The following NXPE2 variants were observed in gnomAD, a reference collection of about 807,000 sequenced individuals.
NXPE2 encodes the protein neurexophilin and PC-esterase domain family member 2, also known as NXPE family member 2.
A neutral mutation model predicts 34.4 loss-of-function variants in NXPE2; 34 were observed. The ratio of observed to expected loss-of-function variants is 0.99; its 90% CI spans 0.75 to 1.31. NXPE2 has a LOEUF of 1.31. NXPE2 is among the 40% of genes most tolerant of loss of function. NXPE2 has a pLI of 0.00. For synonymous variants in NXPE2, 235 were observed against 231.3 expected (o/e 1.02, Z -0.15); for missense variants, 649 against 672.5 (o/e 0.97, Z 0.39).
At chr11:114,585,174 C>T in the NXPE2 span, among the ~76,000 whole-genome samples, 2 of 151,770 alleles carry the variant, frequency 1.3e-5, no homozygotes, top group Non-Finnish European at 2.9e-5. Context: ...CACTGCCTGC[C>T]ATCTGTCTTC....
At chr11:114,576,729 A>T in the NXPE2 span, among the ~76,000 whole-genome samples, 1 of 152,038 alleles carries the variant, frequency 6.6e-6, no homozygotes, top group East Asian at 1.9e-4. Context: ...ACACTTTTAC[A>T]CTGTTGGTGG....
At chr11:114,723,075 A>G in the NXPE2 span, among the ~76,000 whole-genome samples, 1 of 152,328 alleles carries the variant, frequency 6.6e-6, no homozygotes, top group South Asian at 2.1e-4. Flanking sequence ...TATGTGGTAA[A>G]ATTTTAATTT....
At chr11:114,615,581 G>GTA in the NXPE2 span, among the ~76,000 whole-genome samples, 1 of 147,986 alleles carries the variant, frequency 6.8e-6, no homozygotes, top group African/African-American at 2.6e-5. Flanking sequence ...ACCTTTACCT[G>GTA]GTGAATAATA....
At chr11:114,776,354 C>G in the NXPE2 span, among the ~76,000 whole-genome samples, 1 of 152,354 alleles carries the variant, frequency 6.6e-6, no homozygotes, top group South Asian at 2.1e-4. Flanking sequence ...ACCGAGCTCT[C>G]CAGAGTGGGA....
intron 2 of NXPE2, among the ~76,000 whole-genome samples, chr11:114,692,439 G>A (rs1951170957): frequency 6.6e-6 from 1 of 152,096 alleles, no homozygotes; most frequent in Admixed American, 6.5e-5. Flanking sequence ...GTCTCTCAAA[G>A]TGGCTCCCAC....
chr11:114,734,125 A>C, the NXPE2 span, among the ~76,000 whole-genome samples: 5 of 152,210 alleles, frequency 3.3e-5, no homozygotes, highest in Non-Finnish European at 5.9e-5. Flanking sequence ...TATCTTTTAA[A>C]AAATCCTCTG....
the NXPE2 span, among the ~76,000 whole-genome samples, chr11:114,470,186 T>C: frequency 6.6e-6 from 1 of 152,162 alleles, no homozygotes; most frequent in African/African-American, 2.4e-5. Flanking sequence ...GGACATATGT[T>C]TTTTTTTCTC....
At chr11:114,805,794 G>C in the NXPE2 span, among the ~76,000 whole-genome samples, 1 of 152,224 alleles carries the variant, frequency 6.6e-6, no homozygotes, top group Non-Finnish European at 1.5e-5. Context: ...CAAAAAGACA[G>C]CAGTAACCTC....
chr11:114,489,949 C>T, the NXPE2 span, among the ~76,000 whole-genome samples: 33 of 152,248 alleles, frequency 2.2e-4, no homozygotes, highest in African/African-American at 7.9e-4. Context: ...GATTGTATAT[C>T]TAGAAAACCC....
At position 114,698,345 on chromosome 11, in the gene NXPE2, T is replaced by C. The variant is rs1951299410; in HGVS notation, c.433T>C (p.Tyr145His). Residue 145 changes from tyrosine (Y) to histidine (H), a missense_variant, in exon 3 of 6, where the codon TAT becomes CAT. Transcript: ENST00000389586. ...GGACCACTTGGGACACAGGAAGCAA[T>C]ATGGTGGGGATTTCCTGAGGGCCAG... The part of the protein sequence containing the change: ...VRDHLGHRKQ[Y>H]GGDFLRARMY... 6.2e-7 allele frequency: 1 copy of C among 1,613,694 alleles called. No individual in the cohort carries two copies. The highest frequency in any genetic ancestry group is 8.5e-7 in the Non-Finnish European group (1 of 1,179,930).
intron 2 of NXPE2, among the ~76,000 whole-genome samples, chr11:114,697,304 G>A (rs1422524909): frequency 6.6e-6 from 1 of 152,130 alleles, no homozygotes; most frequent in Non-Finnish European, 1.5e-5. Flanking sequence ...CATAAAAATG[G>A]AGGCAGAGAT....
the NXPE2 span, among the ~76,000 whole-genome samples, chr11:114,648,022 T>C: frequency 0.092 from 14,006 of 152,194 alleles, 767 homozygotes; most frequent in Middle Eastern, 0.2. Context: ...TTTTAAGAAC[T>C]AGATTTTAGT....
At chr11:114,526,955 A>G in the NXPE2 span, among the ~76,000 whole-genome samples, 2 of 152,196 alleles carry the variant, frequency 1.3e-5, no homozygotes, top group Non-Finnish European at 2.9e-5. Context: ...GACTACACGT[A>G]TCCTTCAGGA....
At chr11:114,521,820 G>T in the NXPE2 span, 1 of 615,032 alleles carries the variant, frequency 1.6e-6, no homozygotes, top group South Asian at 2.3e-5. Flanking sequence ...CTTATCAGTT[G>T]TCATTGTCCT....
At chr11:114,655,310 C>A in the NXPE2 span, among the ~76,000 whole-genome samples, 11 of 152,148 alleles carry the variant, frequency 7.2e-5, no homozygotes, top group Non-Finnish European at 1.6e-4. Context: ...TTTTGCTGTG[C>A]AAAAACTCTT....
chr11:114,724,189 C>A, the NXPE2 span, among the ~76,000 whole-genome samples: 2 of 152,106 alleles, frequency 1.3e-5, no homozygotes, highest in Non-Finnish European at 2.9e-5. Context: ...TCAGGGTCAC[C>A]TGAAGGGTGA....
At chr11:114,638,254 A>G in the NXPE2 span, among the ~76,000 whole-genome samples, 6 of 151,940 alleles carry the variant, frequency 3.9e-5, no homozygotes, top group Non-Finnish European at 7.4e-5. Flanking sequence ...AGTTGATCAC[A>G]TCAGCTCCTG....
chr11:114,579,931 T>G, the NXPE2 span, among the ~76,000 whole-genome samples: 1 of 152,306 alleles, frequency 6.6e-6, no homozygotes, highest in Non-Finnish European at 1.5e-5. Flanking sequence ...GTAATAAACC[T>G]TTTTCTACAC....
the NXPE2 span, among the ~76,000 whole-genome samples, chr11:114,647,656 T>C: frequency 3.3e-5 from 5 of 152,104 alleles, no homozygotes; most frequent in Non-Finnish European, 7.4e-5. Context: ...TCTGATTCTG[T>C]ATTTTGTCTC....
Sources: allele counts gnomAD v4.1 joint callset (sites outside exome capture counted in the v4.1 genomes callset), GRCh38; gene constraint gnomAD v4.1.1; transcripts MANE v1.5; gene names NCBI Gene and HGNC (gene_info 2026-07-23, HGNC 2026-07-21).